The following TMEM135 variants were observed in gnomAD, a reference collection of about 807,000 sequenced individuals.
The protein encoded by TMEM135 is peroxisomal membrane protein 52.
In TMEM135, 30 loss-of-function variants were observed where a neutral mutation model predicts 60.3. That is an observed-to-expected ratio of 0.50 (90% CI 0.37 to 0.68). The LOEUF (loss-of-function observed/expected upper bound fraction) is 0.68, where lower values mean the gene tolerates loss of function less well. TMEM135 is among the 30% of genes least tolerant of loss of function. TMEM135 has a pLI of 0.00. For synonymous variants in TMEM135, 190 were observed against 186.7 expected (o/e 1.02, Z -0.14); for missense variants, 468 against 548.8 (o/e 0.85, Z 1.47).
intron 5 of TMEM135, among the ~76,000 whole-genome samples, chr11:87,202,675 A>G (rs1203408957): frequency 2.0e-5 from 3 of 151,266 alleles, no homozygotes; most frequent in Non-Finnish European, 2.9e-5. Context: ...GTAAATAACG[A>G]TTGACATTTG....
chr11:87,266,780 G>C (rs1941757109), intron 6 of TMEM135, among the ~76,000 whole-genome samples: 1 of 152,206 alleles, frequency 6.6e-6, no homozygotes, highest in Non-Finnish European at 1.5e-5. Flanking sequence ...TCAAAGGCCT[G>C]AAGAGAATTT....
chr11:87,194,233 C>T (rs1439705247), intron 5 of TMEM135, among the ~76,000 whole-genome samples: 2 of 152,086 alleles, frequency 1.3e-5, no homozygotes, highest in African/African-American at 4.8e-5. Flanking sequence ...GACTGAAGTG[C>T]TGGGAAAGCT....
intron 1 of TMEM135, among the ~76,000 whole-genome samples, chr11:87,041,309 C>A (rs61906173): frequency 0.15 from 22,634 of 149,430 alleles, 1,787 homozygotes; most frequent in Non-Finnish European, 0.17. Flanking sequence ...GACTGAAAGA[C>A]TGAAGGACAG....
chr11:87,269,914 C>T (rs7944159), intron 6 of TMEM135, among the ~76,000 whole-genome samples: 3,405 of 99,228 alleles, frequency 0.034, 375 homozygotes, highest in African/African-American at 0.083. Context: ...CCTGAGGAAT[C>T]GCCACACTGA....
At chr11:87,247,870 C>T (rs78737158) in intron 6 of TMEM135, among the ~76,000 whole-genome samples, 1 of 152,030 alleles carries the variant, frequency 6.6e-6, no homozygotes, top group East Asian at 1.9e-4. Flanking sequence ...CACTGTACTG[C>T]ACCCACTCTC....
chr11:87,061,743 C>CAGCA (rs1365249949), intron 1 of TMEM135, among the ~76,000 whole-genome samples: 3 of 152,072 alleles, frequency 2.0e-5, no homozygotes, highest in Non-Finnish European at 4.4e-5. Context: ...GGCAAATGTG[C>CAGCA]AGCACTAATC....
intron 4 of TMEM135, among the ~76,000 whole-genome samples, chr11:87,115,329 G>A (rs913476959): frequency 6.6e-6 from 1 of 151,992 alleles, no homozygotes; most frequent in African/African-American, 2.4e-5. Context: ...TTTTGTCTCT[G>A]CATTGGAAAT....
At chr11:87,198,191 T>G (rs979073181) in intron 5 of TMEM135, among the ~76,000 whole-genome samples, 3 of 152,204 alleles carry the variant, frequency 2.0e-5, no homozygotes, top group Non-Finnish European at 2.9e-5. Context: ...CTCAGTTCTA[T>G]TCTTTATGTA....
intron 6 of TMEM135, among the ~76,000 whole-genome samples, chr11:87,265,081 A>T (rs1365824841): frequency 1.3e-5 from 2 of 152,022 alleles, no homozygotes; most frequent in African/African-American, 4.8e-5. Context: ...TTGTCATAAA[A>T]GAGATTGACT....
In TMEM135 at chr11:87,067,778, A is replaced by G. The variant is rs935738689; in HGVS notation, c.226A>G (p.Thr76Ala). 6.2e-7 allele frequency: 1 copy of G among 1,613,830 alleles called. No individual in the cohort carries two copies. Among genetic ancestry groups the G allele is most frequent in the Admixed American group, 1.7e-5 (1 of 59,996 alleles). The change falls in exon 2 of 15, where the codon ACT becomes GCT. Residue 76 changes from threonine to alanine, a missense_variant. Transcript: ENST00000305494. Reference protein sequence around the residue: ...PEILQSASFLTANGALYMAFF... With the variant: ...PEILQSASFLAANGALYMAFF... ...GATCCTACAATCCGCTTCATTTCTAACTGCTAATGGGGCCTTGTATATGGC... is the reference window on the plus strand; with the variant it reads ...GATCCTACAATCCGCTTCATTTCTAGCTGCTAATGGGGCCTTGTATATGGC...
intron 4 of TMEM135, among the ~76,000 whole-genome samples, chr11:87,149,827 C>A (rs922772492): frequency 6.6e-6 from 1 of 152,174 alleles, no homozygotes; most frequent in Non-Finnish European, 1.5e-5. Flanking sequence ...CTGCACTGCT[C>A]TATTAAAATT....
At chr11:87,227,246 C>T (rs1049310118) in intron 5 of TMEM135, among the ~76,000 whole-genome samples, 8 of 151,604 alleles carry the variant, frequency 5.3e-5, no homozygotes, top group Admixed American at 1.3e-4. Flanking sequence ...TTACAATATG[C>T]ATTGAAATGT....
intron 7 of TMEM135, among the ~76,000 whole-genome samples, chr11:87,298,316 A>G (rs1195382972): frequency 1.3e-5 from 2 of 152,206 alleles, no homozygotes; most frequent in African/African-American, 2.4e-5. Flanking sequence ...AAAGGAATAC[A>G]ATCATAAAAT....
intron 6 of TMEM135, among the ~76,000 whole-genome samples, chr11:87,275,789 A>G (rs1486099462): frequency 6.6e-6 from 1 of 151,950 alleles, no homozygotes; most frequent in Non-Finnish European, 1.5e-5. Flanking sequence ...GCTCCTCAGT[A>G]GCTGGGATTA....
At chr11:87,151,237 T>C (rs1218853664) in intron 4 of TMEM135, among the ~76,000 whole-genome samples, 2 of 152,174 alleles carry the variant, frequency 1.3e-5, no homozygotes, top group Non-Finnish European at 2.9e-5. Flanking sequence ...CTCTACTCTA[T>C]TTCTTTGTTT....
intron 4 of TMEM135, 63 bp from the exon 5 acceptor site, chr11:87,157,278 A>G (rs1938726151): frequency 4.2e-6 from 6 of 1,413,036 alleles, no homozygotes; most frequent in South Asian, 3.5e-5. Context: ...AGGGTGTGGG[A>G]TATACAATTG....
At chr11:87,186,700 A>C (rs1939662956) in intron 5 of TMEM135, among the ~76,000 whole-genome samples, 1 of 152,182 alleles carries the variant, frequency 6.6e-6, no homozygotes, top group Non-Finnish European at 1.5e-5. Flanking sequence ...TATTTATTAA[A>C]ATTATCTCCA....
intron 5 of TMEM135, among the ~76,000 whole-genome samples, chr11:87,189,474 T>C (rs1266191140): frequency 6.6e-6 from 1 of 152,188 alleles, no homozygotes; most frequent in Non-Finnish European, 1.5e-5. Flanking sequence ...CAGACATTTC[T>C]TAATTGATAG....
intron 4 of TMEM135, among the ~76,000 whole-genome samples, chr11:87,104,233 A>G (rs1016875385): frequency 4.6e-5 from 7 of 152,148 alleles, no homozygotes; most frequent in Non-Finnish European, 7.4e-5. Context: ...TCAAAAATCA[A>G]TTGACCATAA....
Sources: allele counts gnomAD v4.1 joint callset (sites outside exome capture counted in the v4.1 genomes callset), GRCh38; gene constraint gnomAD v4.1.1; transcripts MANE v1.5; gene names NCBI Gene and HGNC (gene_info 2026-07-23, HGNC 2026-07-21).